ZNF804A: variants seen among roughly 807,000 people sequenced by gnomAD.
ZNF804A encodes zinc finger protein 804A.
A neutral mutation model predicts 16.5 loss-of-function variants in ZNF804A; 2 were observed. That is an observed-to-expected ratio of 0.12 (90% CI 0.05 to 0.38). The LOEUF (loss-of-function observed/expected upper bound fraction) is 0.38. ZNF804A is among the 10% of genes least tolerant of loss of function. ZNF804A has a pLI of 0.99. For missense variants in ZNF804A, 1,473 were observed against 1,390.7 expected, an observed-to-expected ratio of 1.06 and a Z score of -0.94; for synonymous variants, 534 against 489.6, an observed-to-expected ratio of 1.09 and a Z score of -1.20.
intron 2 of ZNF804A, among the ~76,000 whole-genome samples, chr2:184,903,771 A>T (rs1335661859): frequency 2.0e-5 from 3 of 152,132 alleles, no homozygotes; most frequent in Non-Finnish European, 4.4e-5. Flanking sequence ...CAACTTGATG[A>T]GTTTGGACAT....
intron 2 of ZNF804A, among the ~76,000 whole-genome samples, chr2:184,892,553 C>T (rs947681691): frequency 2.9e-5 from 4 of 136,592 alleles, no homozygotes; most frequent in Non-Finnish European, 4.6e-5. Flanking sequence ...GGCTCGATCT[C>T]GGCTTACTGC....
At chr2:184,703,939 A>G (rs1223570849) in intron 1 of ZNF804A, among the ~76,000 whole-genome samples, 1 of 152,106 alleles carries the variant, frequency 6.6e-6, no homozygotes, top group Non-Finnish European at 1.5e-5. Flanking sequence ...TCATAGGACT[A>G]TACTTTTTTC....
chr2:184,873,989 G>C (rs1329180074), intron 2 of ZNF804A, among the ~76,000 whole-genome samples: 1 of 152,088 alleles, frequency 6.6e-6, no homozygotes, highest in South Asian at 2.1e-4. Flanking sequence ...AACAATATTT[G>C]TAAATTAATT....
At chr2:184,837,669 G>A (rs1695373124) in intron 1 of ZNF804A, among the ~76,000 whole-genome samples, 1 of 152,012 alleles carries the variant, frequency 6.6e-6, no homozygotes, top group Non-Finnish European at 1.5e-5. Context: ...AACATGATAT[G>A]AAGAAAAATA....
At chr2:184,827,407 T>C (rs1695182910) in intron 1 of ZNF804A, among the ~76,000 whole-genome samples, 1 of 147,506 alleles carries the variant, frequency 6.8e-6, no homozygotes, top group African/African-American at 2.5e-5. Context: ...ATTATTTAAA[T>C]TGATAACTTT....
chr2:184,898,738 T>C (rs1048171123), intron 2 of ZNF804A, among the ~76,000 whole-genome samples: 2 of 152,046 alleles, frequency 1.3e-5, no homozygotes, highest in Non-Finnish European at 2.9e-5. Flanking sequence ...GGATAATATA[T>C]TAATTGTATT....
chr2:184,819,140 C>T (rs80337226), intron 1 of ZNF804A, among the ~76,000 whole-genome samples: 25 of 152,052 alleles, frequency 1.6e-4, no homozygotes, highest in East Asian at 9.7e-4. Flanking sequence ...ATGGCACTTA[C>T]TCACTCTAAC....
chr2:184,921,039 G>T (rs557271039), intron 2 of ZNF804A, among the ~76,000 whole-genome samples: 68 of 152,270 alleles, frequency 4.5e-4, no homozygotes, highest in African/African-American at 1.4e-3. Context: ...TGAAATTTTT[G>T]TATTTTTAAT....
intron 1 of ZNF804A, among the ~76,000 whole-genome samples, chr2:184,864,428 A>G (rs1695844659): frequency 6.6e-6 from 1 of 151,624 alleles, no homozygotes; most frequent in Non-Finnish European, 1.5e-5. Context: ...TCACACTTTA[A>G]CATGAGATTT....
At chr2:184,604,209 T>C (rs775385343) in intron 1 of ZNF804A, among the ~76,000 whole-genome samples, 15 of 133,578 alleles carry the variant, frequency 1.1e-4, no homozygotes, top group Non-Finnish European at 2.3e-4. Flanking sequence ...TGGCTCTTTT[T>C]GCCCAGGCTG....
intron 1 of ZNF804A, among the ~76,000 whole-genome samples, chr2:184,856,672 G>C (rs1695692892): frequency 6.6e-6 from 1 of 152,008 alleles, no homozygotes; most frequent in African/African-American, 2.4e-5. Flanking sequence ...TGACACCTTT[G>C]CTTTCTGTTG....
intron 2 of ZNF804A, among the ~76,000 whole-genome samples, chr2:184,885,596 G>A (rs540830176): frequency 1.8e-4 from 28 of 152,234 alleles, no homozygotes; most frequent in African/African-American, 6.3e-4. Context: ...TGATAAAGAC[G>A]TACCTGAGAC....
intron 1 of ZNF804A, among the ~76,000 whole-genome samples, chr2:184,749,985 T>C (rs1355786927): frequency 6.6e-6 from 1 of 151,428 alleles, no homozygotes; most frequent in African/African-American, 2.4e-5. Flanking sequence ...TGAATACTTA[T>C]ATACTTATTT....
At chr2:184,725,371 A>C (rs972362563) in intron 1 of ZNF804A, among the ~76,000 whole-genome samples, 1 of 151,698 alleles carries the variant, frequency 6.6e-6, no homozygotes, top group African/African-American at 2.4e-5. Context: ...TTAAATATGC[A>C]ATGTTATCTT....
At chr2:184,931,936 G>A (rs1559006653) in intron 2 of ZNF804A, among the ~76,000 whole-genome samples, 1 of 152,062 alleles carries the variant, frequency 6.6e-6, no homozygotes, top group Non-Finnish European at 1.5e-5. Flanking sequence ...CTTCCAAAAA[G>A]TTTCACAAAT....
chr2:184,771,130 GC>G (rs1399807051), intron 1 of ZNF804A, among the ~76,000 whole-genome samples: 1 of 151,994 alleles, frequency 6.6e-6, no homozygotes, highest in Non-Finnish European at 1.5e-5. Flanking sequence ...TCATAACCAT[GC>G]TGTTGGGCAC....
chr2:184,767,449 G>C (rs1383125149), intron 1 of ZNF804A, among the ~76,000 whole-genome samples: 2 of 152,098 alleles, frequency 1.3e-5, no homozygotes, highest in African/African-American at 4.8e-5. Flanking sequence ...TTGTGGAAGG[G>C]GGAAATGGAG....
At position 184,813,925 on chromosome 2, in the gene ZNF804A, T is replaced by C. The variant is rs527859699; in HGVS notation, c.112-52444T>C. ...CCTTCTGGATGCCTTCAGTACATGCTTCAGGTTTTTACCACTGTGTGCTTG... is the reference window on the plus strand; with the variant it reads ...CCTTCTGGATGCCTTCAGTACATGCCTCAGGTTTTTACCACTGTGTGCTTG... On this transcript the variant is annotated intron_variant, in intron 1 of 3. Transcript: ENST00000302277. 2.6e-5 allele frequency among the ~76,000 whole-genome samples: 4 copies of C among 151,700 alleles called. No homozygotes were observed. The South Asian group carries it at 6.2e-4, about 24-fold the overall frequency.
chr2:184,698,952 G>A (rs961457698), intron 1 of ZNF804A, among the ~76,000 whole-genome samples: 2 of 152,078 alleles, frequency 1.3e-5, no homozygotes, highest in African/African-American at 4.8e-5. Flanking sequence ...ACCAATCAAT[G>A]GCAGGGAAGA....
Sources: allele counts gnomAD v4.1 joint callset (sites outside exome capture counted in the v4.1 genomes callset), GRCh38; gene constraint gnomAD v4.1.1; transcripts MANE v1.5; gene names NCBI Gene and HGNC (gene_info 2026-07-23, HGNC 2026-07-21).